The following GYS2 variants were observed in gnomAD, a reference collection of about 807,000 sequenced individuals.
GYS2 encodes glycogen synthase 2.
Under a neutral mutation model 85.6 loss-of-function variants are expected in GYS2, and 80 were observed. That is an observed-to-expected ratio of 0.93 (90% confidence interval 0.78 to 1.13). The LOEUF is 1.13. GYS2 is among the 50% of genes most tolerant of loss of function. The pLI, the probability that GYS2 is intolerant of heterozygous loss-of-function variation, is 0.00. For missense variants in GYS2, 881 were observed against 854.9 expected (o/e 1.03, Z -0.38); for synonymous variants, 328 against 300.7 (o/e 1.09, Z -0.94).
intron 1 of GYS2, among the ~76,000 whole-genome samples, chr12:21,588,785 T>C (rs1944601878): frequency 6.6e-6 from 1 of 152,256 alleles, no homozygotes; most frequent in East Asian, 1.9e-4. Flanking sequence ...TGTCATCTAC[T>C]ACATCTAAGT....
At chr12:21,534,206 TA>T (rs1250649401), downstream of GYS2, among the ~76,000 whole-genome samples, 1 of 152,190 alleles carries the variant, frequency 6.6e-6, no homozygotes, top group Non-Finnish European at 1.5e-5. Context: ...AGGCCCATTA[TA>T]AATTAAAAAT....
chr12:21,601,827 A>T (rs953318953), intron 1 of GYS2, among the ~76,000 whole-genome samples: 8 of 152,170 alleles, frequency 5.3e-5, no homozygotes, highest in African/African-American at 1.7e-4. Flanking sequence ...TACCTAATAG[A>T]CACTTGATGA....
intron 5 of GYS2, among the ~76,000 whole-genome samples, chr12:21,567,897 A>AC (rs1944340686): frequency 1.3e-5 from 2 of 152,008 alleles, no homozygotes; most frequent in African/African-American, 4.8e-5. Flanking sequence ...AGATAGTGAA[A>AC]CCCCGTCTCT....
At position 21,539,346 on chromosome 12, in the gene GYS2, T is replaced by C. The variant is rs750209084; in HGVS notation, c.1810-8A>G. Reference sequence around the variant, plus strand: ...TCTGGCATGCTGGTAATACTATTGATAGAAAGCCAAATCACAGGTTAATAA... The same window carrying C: ...TCTGGCATGCTGGTAATACTATTGACAGAAAGCCAAATCACAGGTTAATAA... On this transcript the variant is annotated splice_region_variant and splice_polypyrimidine_tract_variant and intron_variant, in intron 14 of 15. Transcript: ENST00000261195. 1.9e-6 allele frequency: 3 copies of C among 1,542,232 alleles called. No homozygotes were observed. The highest frequency in any genetic ancestry group is 2.2e-5 in the South Asian group (2 of 89,510).
chr12:21,574,231 A>G lies in GYS2; in HGVS notation c.591T>C (p.Pro197=). The G allele has an allele frequency of 1.2e-6, 2 of 1,613,604 alleles. No homozygotes were observed. The highest frequency in any genetic ancestry group is 1.7e-6 in the Non-Finnish European group (2 of 1,179,494). The change falls in exon 4 of 16, where the codon CCT becomes CCC. Residue 197 remains proline, a synonymous_variant. Transcript: ENST00000261195. ...CGTGGGTTGTAAATATTGTGGCAAT[A>G]GGAAGTTTCCTGGCTCGAGAAAGGA... ...GLILSRARKL[P]IATIFTTHAT...
chr12:21,574,272 C>G lies in GYS2; in HGVS notation c.550G>C (p.Ala184Pro), dbSNP rs1314595265. ...CGAGAAAGGATCAGTCCAATTCCAGCCTGCCATTCATGGAATTGGGCAACG... is the reference window on the plus strand; with the variant it reads ...CGAGAAAGGATCAGTCCAATTCCAGGCTGCCATTCATGGAATTGGGCAACG... The part of the protein sequence containing the change: ...YVVAQFHEWQ[A>P]GIGLILSRAR... Residue 184 changes from alanine (A) to proline (P), a missense_variant, in exon 4 of 16, where the codon GCT becomes CCT. Coordinates refer to ENST00000261195, the MANE Select transcript of GYS2 (RefSeq NM_021957.4). 6.2e-7 allele frequency: 1 copy of G among 1,613,758 alleles called. No individual in the cohort carries two copies. The highest frequency in any genetic ancestry group is 2.2e-5 in the East Asian group (1 of 44,878).
intron 5 of GYS2, among the ~76,000 whole-genome samples, chr12:21,565,738 T>C (rs1275111598): frequency 6.6e-6 from 1 of 151,868 alleles, no homozygotes; most frequent in African/African-American, 2.4e-5. Context: ...CCTTTTCACT[T>C]CCGTTCCATA....
intron 4 of GYS2, among the ~76,000 whole-genome samples, chr12:21,573,688 C>T (rs762007142): frequency 5.3e-5 from 8 of 152,160 alleles, no homozygotes; most frequent in Non-Finnish European, 1.0e-4. Context: ...TATAATGTGG[C>T]TTTTAATCAA....
At chr12:21,539,057 C>T (rs1943942106) in intron 15 of GYS2, among the ~76,000 whole-genome samples, 1 of 152,190 alleles carries the variant, frequency 6.6e-6, no homozygotes, top group Admixed American at 6.5e-5. Flanking sequence ...TTCAGAGATG[C>T]TTCTCCAATG....
At chr12:21,567,010 A>G (rs2136890042) in intron 5 of GYS2, among the ~76,000 whole-genome samples, 1 of 152,338 alleles carries the variant, frequency 6.6e-6, no homozygotes, top group Non-Finnish European at 1.5e-5. Context: ...TATACTGGAA[A>G]GAAAGTAGAA....
chr12:21,567,388 A>G (rs1227173860), intron 5 of GYS2, among the ~76,000 whole-genome samples: 1 of 152,114 alleles, frequency 6.6e-6, no homozygotes, highest in African/African-American at 2.4e-5. Flanking sequence ...GAGAGAAATG[A>G]GCATATTGAT....
chr12:21,597,748 A>C (rs1944712501), intron 1 of GYS2, among the ~76,000 whole-genome samples: 1 of 152,118 alleles, frequency 6.6e-6, no homozygotes, highest in Non-Finnish European at 1.5e-5. Flanking sequence ...TACTGGTACC[A>C]CACTGTTTAT....
intron 11 of GYS2, among the ~76,000 whole-genome samples, chr12:21,552,528 A>C (rs1052102364): frequency 2.0e-5 from 3 of 152,234 alleles, no homozygotes; most frequent in Admixed American, 6.5e-5. Context: ...AAGAATTGTT[A>C]ATAAAATATA....
At chr12:21,550,679 T>G (rs1335211554) in intron 11 of GYS2, among the ~76,000 whole-genome samples, 7 of 152,174 alleles carry the variant, frequency 4.6e-5, no homozygotes, top group African/African-American at 1.2e-4. Flanking sequence ...CGTGGCTCAC[T>G]GCTGTAATCC....
At chr12:21,534,574 A>C (rs1247562589), downstream of GYS2, among the ~76,000 whole-genome samples, 1 of 151,972 alleles carries the variant, frequency 6.6e-6, no homozygotes, top group African/African-American at 2.4e-5. Context: ...GAAAGAAAAG[A>C]AAAAGGAAAG....
chr12:21,534,460 T>C (rs1376092592), downstream of GYS2, among the ~76,000 whole-genome samples: 1 of 151,256 alleles, frequency 6.6e-6, no homozygotes, highest in Non-Finnish European at 1.5e-5. Context: ...GAGGTTGCAG[T>C]GAGCCAAGAT....
At chr12:21,562,302 C>T (rs1172587102) in intron 7 of GYS2, among the ~76,000 whole-genome samples, 2 of 151,896 alleles carry the variant, frequency 1.3e-5, no homozygotes, top group African/African-American at 2.4e-5. Flanking sequence ...GTGAGTGAAC[C>T]GAGTGTGTAT....
At position 21,580,837 on chromosome 12, in the gene GYS2, G is replaced by C. The variant is rs543284635; in HGVS notation, c.122-314C>G. On this transcript the variant is annotated intron_variant, in intron 1 of 15. Transcript: ENST00000261195. ...GAAAAGACAATTGGAGTAACTACTT[G>C]CCTAAAGCTCCAGTCACTTTGTAGT... Among the ~76,000 whole-genome samples, 18 of 152,298 alleles carry C rather than the reference G, an allele frequency of 1.2e-4. No homozygotes were observed. The South Asian group carries it at 3.7e-3, about 32-fold the overall frequency.
At chr12:21,552,249 G>T (rs760782128) in intron 11 of GYS2, among the ~76,000 whole-genome samples, 2 of 152,208 alleles carry the variant, frequency 1.3e-5, no homozygotes, top group Non-Finnish European at 1.5e-5. Context: ...GTCTCAGGAA[G>T]TTAGTTTATT....
Sources: gnomAD v4.1 joint callset for allele counts (sites outside exome capture counted in the v4.1 genomes callset) on GRCh38, gnomAD v4.1.1 for gene constraint, MANE v1.5 for transcripts, NCBI Gene and HGNC (gene_info 2026-07-23, HGNC 2026-07-21) for gene names.